The following SEMA7A variants were observed in gnomAD, a reference collection of about 807,000 sequenced individuals.
SEMA7A encodes semaphorin-7A.
Under a neutral mutation model 67.5 loss-of-function variants are expected in SEMA7A, and 21 were observed. The ratio of observed to expected loss-of-function variants is 0.31; its 90% confidence interval spans 0.22 to 0.45. The LOEUF is 0.45. SEMA7A is among the 20% of genes least tolerant of loss of function. SEMA7A has a pLI of 1.00. For missense variants in SEMA7A, 774 were observed against 908.6 expected, an observed-to-expected ratio of 0.85 and a Z score of 1.90; for synonymous variants, 364 against 368.5, an observed-to-expected ratio of 0.99 and a Z score of 0.14.
intron 1 of SEMA7A, among the ~76,000 whole-genome samples, chr15:74,419,866 CT>C (rs953667044): frequency 2.0e-5 from 3 of 152,224 alleles, no homozygotes; most frequent in African/African-American, 7.2e-5. Context: ...AAGAAACTGA[CT>C]GCAGCCACTG....
rs1028112637 is a variant in SEMA7A, at chr15:74,411,829, C to A, written c.1422+56G>T. 9.3e-6 allele frequency: 15 copies of A among 1,607,786 alleles called. No homozygotes were observed. The highest frequency in any genetic ancestry group is 1.7e-4 in the Middle Eastern group (1 of 6,042). On this transcript the variant is annotated intron_variant, in intron 11 of 13. Transcript: ENST00000261918. This position sits in a 1 kb window ranked among gnomAD's most constrained non-coding sequence, Gnocchi z 4.4. ...CACACAAATCACATGCAAAGGAGCC[C>A]TGTCCTCAGCTGCAGTCACTGCATA...
At chr15:74,418,355 T>TC in intron 2 of SEMA7A, 46 bp from the exon 3 acceptor site, 2 of 1,581,546 alleles carry the variant, frequency 1.3e-6, no homozygotes, top group Non-Finnish European at 1.7e-6. Flanking sequence ...AGGGGTGAGG[T>TC]ACCCCTGAAA....
At chr15:74,429,741 C>T (rs577010327) in intron 1 of SEMA7A, among the ~76,000 whole-genome samples, 31 of 152,258 alleles carry the variant, frequency 2.0e-4, no homozygotes, top group African/African-American at 7.5e-4. Flanking sequence ...TCAAACTTTT[C>T]GGGAGCCCCC....
At position 74,419,263 on chromosome 15, in the gene SEMA7A, G is replaced by A. The variant is rs527855586; in HGVS notation, c.179-311C>T. Among the ~76,000 whole-genome samples the A allele has an allele frequency of 7.2e-5, 11 of 152,284 alleles. No homozygotes were observed. The South Asian group carries it at 2.3e-3, about 32-fold the overall frequency. On this transcript the variant is annotated intron_variant, in intron 1 of 13. Coordinates refer to ENST00000261918, the MANE Select transcript of SEMA7A (RefSeq NM_003612.5). Reference sequence around the variant, plus strand: ...GGGAAGGATTTAGGGACCTCTTGGGGGAACAGACCCCCTCCTCTGGCACAC... The same window carrying A: ...GGGAAGGATTTAGGGACCTCTTGGGAGAACAGACCCCCTCCTCTGGCACAC...
intron 1 of SEMA7A, among the ~76,000 whole-genome samples, chr15:74,421,134 T>C (rs2060997020): frequency 6.6e-6 from 1 of 152,188 alleles, no homozygotes; most frequent in African/African-American, 2.4e-5. Flanking sequence ...AAAACAGTCC[T>C]GCCCTGGGGA....
intron 1 of SEMA7A, among the ~76,000 whole-genome samples, chr15:74,429,648 C>T (rs976291244): frequency 6.6e-6 from 1 of 152,228 alleles, no homozygotes; most frequent in Non-Finnish European, 1.5e-5. Flanking sequence ...GGCCCTTCTC[C>T]AGTGGGTGCG....
chr15:74,433,317 C>T (rs921692514), intron 1 of SEMA7A, among the ~76,000 whole-genome samples: 15 of 151,796 alleles, frequency 9.9e-5, no homozygotes, highest in African/African-American at 3.6e-4. Context: ...GCCTGCGCCC[C>T]GCGCGCCAGC....
chr15:74,419,088 G>A, intron 1 of SEMA7A, 136 bp from the exon 2 acceptor site: 1 of 996,622 alleles, frequency 1.0e-6, no homozygotes, highest in Non-Finnish European at 1.5e-6. Flanking sequence ...GCTCTGGGCT[G>A]GGGTGGTACC....
At chr15:74,418,687 G>A (rs2141279727) in intron 2 of SEMA7A, 114 bp downstream of exon 2, 1 of 1,160,542 alleles carries the variant, frequency 8.6e-7, no homozygotes, top group South Asian at 1.4e-5. Flanking sequence ...GGATACGGAG[G>A]TGGGGGCAGT....
Position 74,416,470 on chromosome 15 carries a change from T to C in SEMA7A, c.801+105A>G, listed in dbSNP as rs141463797. The C allele has an allele frequency of 4.7e-4, 581 of 1,239,598 alleles. 4 individuals are homozygous for C. The African/African-American group carries it at 7.6e-3, about 16-fold the overall frequency. The allele number at this position is 1,239,598 out of a possible 1,614,324, so 76.8% of individuals were successfully genotyped here. A position where few individuals can be genotyped will look rare whatever the true frequency, so the allele number is the denominator to read the frequency against. On this transcript the variant is annotated intron_variant, in intron 7 of 13. Transcript: ENST00000261918. ...ACAGTCCCTGACACAGACCCACTCATACATCCACACAACTTCTACATGCAC... is the reference window on the plus strand; with the variant it reads ...ACAGTCCCTGACACAGACCCACTCACACATCCACACAACTTCTACATGCAC...
intron 3 of SEMA7A, 48 bp from the exon 4 acceptor site, chr15:74,418,017 C>G (rs1365882347): frequency 5.0e-6 from 8 of 1,586,150 alleles, no homozygotes; most frequent in Admixed American, 1.7e-5. Context: ...TGCTGGAAGG[C>G]CCTGGCAAGC....
At chr15:74,421,384 C>T (rs1244304950) in intron 1 of SEMA7A, among the ~76,000 whole-genome samples, 2 of 152,168 alleles carry the variant, frequency 1.3e-5, no homozygotes, top group Admixed American at 1.3e-4. Flanking sequence ...CACTAGGGCC[C>T]GGACAATCCC....
intron 1 of SEMA7A, among the ~76,000 whole-genome samples, chr15:74,433,294 C>A (rs958009584): frequency 6.6e-6 from 1 of 151,712 alleles, no homozygotes; most frequent in Non-Finnish European, 1.5e-5. Context: ...TCCGCGCCCC[C>A]CTTGCCGGCC....
chr15:74,420,971 T>C (rs538586179), intron 1 of SEMA7A, among the ~76,000 whole-genome samples: 11 of 152,352 alleles, frequency 7.2e-5, no homozygotes, highest in African/African-American at 2.6e-4. Context: ...ATCAGTCACC[T>C]TAGCCCCACT....
chr15:74,417,481 G>C lies in SEMA7A; in HGVS notation c.551-36C>G, dbSNP rs753987167. On this transcript the variant is annotated intron_variant, in intron 5 of 13. Transcript: ENST00000261918. The stretch of plus-strand genomic sequence containing the variant: ...TGGGAGGGAGAAATGAGTAAGGGCA[G>C]GCAGCTCCTGGAAGTCCCTCCTCCG... The C allele has an allele frequency of 6.3e-6, 10 of 1,596,352 alleles. No individual in the cohort carries two copies. The African/African-American group carries it at 1.1e-4, about 17-fold the overall frequency.
rs1003736196 is a variant in SEMA7A at position 74,419,191 on chromosome 15, A to G, written c.179-239T>C. Among the ~76,000 whole-genome samples the G allele has an allele frequency of 2.6e-5, 4 of 152,128 alleles. No homozygotes were observed. In the South Asian group the frequency reaches 8.3e-4, roughly 31 times the overall value. ...TCACCCACAGCACGGCCCCTCCCCT[A>G]GTGTGGCAGCCTCTCCTTCCTTCAC... On this transcript the variant is annotated intron_variant, in intron 1 of 13. Coordinates refer to ENST00000261918, the MANE Select transcript of SEMA7A (RefSeq NM_003612.5).
At chr15:74,432,476 G>T (rs937807626) in intron 1 of SEMA7A, among the ~76,000 whole-genome samples, 7 of 152,142 alleles carry the variant, frequency 4.6e-5, no homozygotes, top group Non-Finnish European at 1.0e-4. Flanking sequence ...CCCAGAACCT[G>T]GACTGGTCCT....
At position 74,416,469 on chromosome 15, in the gene SEMA7A, A is replaced by G; in HGVS notation, c.801+106T>C. 3 of 1,231,670 alleles carry G rather than the reference A, an allele frequency of 2.4e-6. No individual in the cohort carries two copies. In the South Asian group the frequency reaches 4.3e-5, roughly 18 times the overall value. The allele number at this position is 1,231,670 out of a possible 1,614,324, so 76.3% of individuals were successfully genotyped here. On this transcript the variant is annotated intron_variant, in intron 7 of 13. Coordinates refer to ENST00000261918, the MANE Select transcript of SEMA7A (RefSeq NM_003612.5). Reference sequence around the variant, plus strand: ...CACAGTCCCTGACACAGACCCACTCATACATCCACACAACTTCTACATGCA... The same window carrying G: ...CACAGTCCCTGACACAGACCCACTCGTACATCCACACAACTTCTACATGCA...
intron 10 of SEMA7A, among the ~76,000 whole-genome samples, chr15:74,412,924 T>C (rs2060914168): frequency 6.6e-6 from 1 of 152,204 alleles, no homozygotes; most frequent in Non-Finnish European, 1.5e-5. Flanking sequence ...CCTAGACCAA[T>C]GCTCTCTCCG....
Sources: allele counts gnomAD v4.1 joint callset (sites outside exome capture counted in the v4.1 genomes callset), GRCh38; gene constraint gnomAD v4.1.1; non-coding constraint Gnocchi (gnomAD v3.1); transcripts MANE v1.5; gene names NCBI Gene and HGNC (gene_info 2026-07-23, HGNC 2026-07-21).